PDE5A: variants seen among roughly 807,000 people sequenced by gnomAD.
PDE5A encodes cGMP-specific 3',5'-cyclic phosphodiesterase.
A neutral mutation model predicts 110.2 loss-of-function variants in PDE5A; 67 were observed. The observed-to-expected ratio is 0.61, with a 90% CI of 0.50 to 0.75. The LOEUF is 0.75. PDE5A is among the 30% of genes least tolerant of loss of function. The pLI, the probability that PDE5A is intolerant of heterozygous loss-of-function variation, is 0.00. For synonymous variants in PDE5A, 328 were observed against 351.2 expected, an observed-to-expected ratio of 0.93 and a Z score of 0.74; for missense variants, 862 against 1,045.1, an observed-to-expected ratio of 0.82 and a Z score of 2.42.
At position 119,525,756 on chromosome 4, in the gene PDE5A, G is replaced by T; in HGVS notation, c.1633-61C>A. The stretch of plus-strand genomic sequence containing the variant: ...TAATTAAAGCAGCAGTGATTTGCAA[G>T]GTTTTCTTGTTTTGCTGCAGAGAAA... On this transcript the variant is annotated intron_variant, in intron 11 of 20. Transcript: ENST00000354960. The surrounding 1 kb of genome is among the most constrained non-coding windows in gnomAD (Gnocchi z 4.3). The T allele has an allele frequency of 1.3e-6, 2 of 1,514,660 alleles. No individual in the cohort carries two copies. Among genetic ancestry groups the T allele is most frequent in the South Asian group, 2.5e-5 (2 of 81,092 alleles). The allele number at this position is 1,514,660 out of a possible 1,614,324, so 93.8% of individuals were successfully genotyped here. A position where few individuals can be genotyped will look rare whatever the true frequency, so the allele number is the denominator to read the frequency against.
intron 1 of PDE5A, among the ~76,000 whole-genome samples, chr4:119,611,745 A>AACC (rs1309930860): frequency 6.6e-6 from 1 of 152,282 alleles, no homozygotes; most frequent in Non-Finnish European, 1.5e-5. Flanking sequence ...AATCCGTATT[A>AACC]ACCACCAGTG....
intron 12 of PDE5A, among the ~76,000 whole-genome samples, chr4:119,521,622 C>T (rs994533785): frequency 1.6e-4 from 24 of 151,542 alleles, no homozygotes; most frequent in African/African-American, 5.1e-4. Flanking sequence ...AAGACAATGC[C>T]GTCATTAGCT....
chr4:119,607,552 C>T (rs527533721), intron 1 of PDE5A, among the ~76,000 whole-genome samples: 1 of 152,092 alleles, frequency 6.6e-6, no homozygotes, highest in South Asian at 2.1e-4. Flanking sequence ...ACCTGGGAAA[C>T]CTAGTGAGAC....
intron 2 of PDE5A, among the ~76,000 whole-genome samples, chr4:119,601,437 C>T (rs1018037334): frequency 6.6e-6 from 1 of 152,044 alleles, no homozygotes; most frequent in Non-Finnish European, 1.5e-5. Flanking sequence ...AAGCTCTGCA[C>T]ACCACCCCAC....
chr4:119,501,931 T>TACAA (rs1413883755), intron 19 of PDE5A, among the ~76,000 whole-genome samples: 3 of 152,158 alleles, frequency 2.0e-5, no homozygotes, highest in Non-Finnish European at 2.9e-5. Flanking sequence ...TGTTCACTAT[T>TACAA]ACAAACAGCA....
chr4:119,588,170 C>CTTTTTTTTTT (rs11297755), intron 3 of PDE5A, among the ~76,000 whole-genome samples: 1 of 129,076 alleles, frequency 7.7e-6, no homozygotes, highest in Non-Finnish European at 1.7e-5. Context: ...CCAATTTTTT[C>CTTTTTTTTTT]TTTTTTTTTT....
intron 3 of PDE5A, among the ~76,000 whole-genome samples, chr4:119,573,197 A>C (rs1467521971): frequency 6.6e-6 from 1 of 152,140 alleles, no homozygotes; most frequent in Non-Finnish European, 1.5e-5. Flanking sequence ...TTGCTACTAC[A>C]ATCTTTAAGA....
In PDE5A at chr4:119,521,159, C is replaced by T. The variant is rs554691292; in HGVS notation, c.1780-99G>A. ...CAAAGCATTCACATTTAGCCTGATA[C>T]TCCGATTTGGATCATCTTACAGACA... On this transcript the variant is annotated intron_variant, in intron 12 of 20. Transcript: ENST00000354960. The T allele has an allele frequency of 2.3e-5, 28 of 1,191,936 alleles. No individual in the cohort carries two copies. The East Asian group carries it at 6.5e-4, about 28-fold the overall frequency. The allele number at this position is 1,191,936 out of a possible 1,614,324, so 73.8% of individuals were successfully genotyped here. A position where few individuals can be genotyped will look rare whatever the true frequency, so the allele number is the denominator to read the frequency against.
chr4:119,574,017 A>G (rs1194811236), intron 3 of PDE5A, among the ~76,000 whole-genome samples: 5 of 152,056 alleles, frequency 3.3e-5, no homozygotes, highest in African/African-American at 4.8e-5. Context: ...TTTAATTTTC[A>G]TTCCCATTTT....
intron 3 of PDE5A, among the ~76,000 whole-genome samples, chr4:119,581,655 A>G (rs1457640794): frequency 6.6e-6 from 1 of 152,200 alleles, no homozygotes; most frequent in Admixed American, 6.5e-5. Flanking sequence ...ACCAGCAAAA[A>G]AAGACATGAC....
At chr4:119,550,120 C>T (rs1281303447) in intron 9 of PDE5A, 5 of 152,182 alleles carry the variant, frequency 3.3e-5, no homozygotes, top group African/African-American at 1.2e-4. Flanking sequence ...TTAGTTTTGT[C>T]ACCCTTGTAA....
At chr4:119,623,949 G>A (rs1308574998) in intron 1 of PDE5A, among the ~76,000 whole-genome samples, 2 of 152,158 alleles carry the variant, frequency 1.3e-5, no homozygotes, top group Non-Finnish European at 2.9e-5. Flanking sequence ...GTCTGAATTT[G>A]AAACTTTGAA....
At chr4:119,508,306 T>C (rs1304550354) in intron 15 of PDE5A, among the ~76,000 whole-genome samples, 2 of 152,044 alleles carry the variant, frequency 1.3e-5, no homozygotes, top group South Asian at 4.1e-4. Flanking sequence ...CTAATCCATG[T>C]GCAAATCATT....
chr4:119,535,390 CAAG>C (rs1726694903), intron 11 of PDE5A, among the ~76,000 whole-genome samples: 1 of 152,084 alleles, frequency 6.6e-6, no homozygotes, highest in East Asian at 1.9e-4. Context: ...CCCAGCCTTC[CAAG>C]AAGGTTTGCA....
Position 119,525,548 on chromosome 4 carries a change from C to T in PDE5A, c.1779+1G>A, listed in dbSNP as rs766518010. The T allele has an allele frequency of 2.5e-6, 4 of 1,612,254 alleles. No homozygotes were observed. The highest frequency in any genetic ancestry group is 3.4e-6 in the Non-Finnish European group (4 of 1,178,962). On this transcript the variant is annotated splice_donor_variant, in intron 12 of 20. Transcript: ENST00000354960. LOFTEE classifies it high-confidence loss of function. The surrounding 1 kb of genome is among the most constrained non-coding windows in gnomAD (Gnocchi z 4.3). Reference sequence around the variant, plus strand: ...TCCAAAGGATGTTGCTGCATTCCTACCTCATGTTTCATCTGGAAGTTCTGC... The same window carrying T: ...TCCAAAGGATGTTGCTGCATTCCTATCTCATGTTTCATCTGGAAGTTCTGC...
intron 3 of PDE5A, among the ~76,000 whole-genome samples, chr4:119,575,950 T>G (rs1728323954): frequency 6.6e-6 from 1 of 152,106 alleles, no homozygotes. Context: ...CCATCTCAAG[T>G]GCAGAGACAT....
chr4:119,567,013 T>TA (rs1727958495), intron 4 of PDE5A, 60 bp downstream of exon 4: 7 of 1,156,316 alleles, frequency 6.1e-6, no homozygotes, highest in African/African-American at 4.6e-5. Context: ...TAGAGGTGTA[T>TA]ATACTATAAA....
chr4:119,534,511 C>T (rs1726665743), intron 11 of PDE5A, among the ~76,000 whole-genome samples: 1 of 152,064 alleles, frequency 6.6e-6, no homozygotes, highest in Non-Finnish European at 1.5e-5. Context: ...TTCCGCCCGC[C>T]CCCCAACCCA....
In PDE5A at chr4:119,628,619, T is replaced by G. The variant is rs766870293; in HGVS notation, c.53A>C (p.Gln18Pro). Residue 18 changes from glutamine (Q) to proline (P), a missense_variant, in exon 1 of 21, where the codon CAG becomes CCG. Coordinates refer to ENST00000354960, the MANE Select transcript of PDE5A (RefSeq NM_001083.4). The part of the protein sequence containing the change: ...FGQQRQQQQP[Q>P]QQKQQQRDQD... ...ATCCCTCTGCTGCTGCTTCTGCTGC[T>G]GGGGCTGCTGCTGCTGTCGCTGCTG... 2 of 1,613,830 alleles carry G rather than the reference T, an allele frequency of 1.2e-6. No homozygotes were observed. Among genetic ancestry groups the G allele is most frequent in the African/African-American group, 2.7e-5 (2 of 74,946 alleles).
Sources: allele counts gnomAD v4.1 joint callset (sites outside exome capture counted in the v4.1 genomes callset), GRCh38; gene constraint gnomAD v4.1.1; non-coding constraint Gnocchi (gnomAD v3.1); transcripts MANE v1.5; gene names NCBI Gene and HGNC (gene_info 2026-07-23, HGNC 2026-07-21).